Variants in MELK observed in about 807,000 individuals in gnomAD.
MELK encodes maternal embryonic leucine zipper kinase.
In MELK, 81 loss-of-function variants were observed where a neutral mutation model predicts 85.0. That is an observed-to-expected ratio of 0.95 (90% CI 0.80 to 1.15). The LOEUF (loss-of-function observed/expected upper bound fraction) is 1.15, where lower values mean the gene tolerates loss of function less well. Ranked by LOEUF, MELK falls within the 50% of genes most tolerant of loss-of-function variation. MELK has a pLI of 0.00. For missense variants in MELK, 754 were observed against 777.5 expected (o/e 0.97, Z 0.36); for synonymous variants, 252 against 265.0 (o/e 0.95, Z 0.48).
rs1832685297 is a variant in MELK, at chr9:36,669,371, CAAG to C, written c.1471_1473del (p.Lys491del). The C allele has an allele frequency of 3.7e-6, 6 of 1,607,462 alleles. No homozygotes were observed. Among genetic ancestry groups the C allele is most frequent in the Non-Finnish European group, 5.1e-6 (6 of 1,177,624 alleles). ...TACCAGTAAATTCAACAGGAACAGA[CAAG>C]TTAATGACAGGTGTCATTAGCCCTG... On this transcript the variant is annotated inframe_deletion, in exon 15 of 18. Transcript: ENST00000298048.
intron 16 of MELK, among the ~76,000 whole-genome samples, chr9:36,674,321 A>G (rs535178998): frequency 2.0e-5 from 3 of 152,228 alleles, no homozygotes; most frequent in African/African-American, 7.2e-5. Context: ...TTTTAAAGGA[A>G]TACCTGTTAC....
At chr9:36,615,793 T>G (rs1367627370) in intron 8 of MELK, among the ~76,000 whole-genome samples, 4 of 144,014 alleles carry the variant, frequency 2.8e-5, no homozygotes, top group Admixed American at 1.4e-4. Flanking sequence ...TTCCTAGATG[T>G]GATGGCGGCT....
chr9:36,624,665 T>G (rs1273023469), intron 8 of MELK, among the ~76,000 whole-genome samples: 1 of 152,204 alleles, frequency 6.6e-6, no homozygotes, highest in East Asian at 1.9e-4. Context: ...AAGAGGAATT[T>G]GGAATCAGTA....
In MELK at chr9:36,669,405, C is replaced by T. The variant is rs148905986; in HGVS notation, c.1504C>T (p.Arg502Trp). Residue 502 changes from arginine to tryptophan, a missense_variant and splice_region_variant, in exon 15 of 18, where the codon CGG becomes TGG. By Grantham distance (101) the Arg-to-Trp change is moderately radical (BLOSUM62 -3). Coordinates refer to ENST00000298048, the MANE Select transcript of MELK (RefSeq NM_014791.4). ...GACAGGTGTCATTAGCCCTGAGAGGCGGTAAGTGTTTGGTTTTTTTAGACT... is the reference window on the plus strand; with the variant it reads ...GACAGGTGTCATTAGCCCTGAGAGGTGGTAAGTGTTTGGTTTTTTTAGACT... ...LMTGVISPER[R>W]CRSVELDLNQ... The T allele has an allele frequency of 1.3e-5, 20 of 1,585,862 alleles. No homozygotes were observed. The Admixed American group carries it at 1.9e-4, about 15-fold the overall frequency.
chr9:36,636,802 T>TTCTTTCTGTCTGTCTGTCTGTCTGTCTG (rs1449037954), intron 10 of MELK, among the ~76,000 whole-genome samples: 1 of 75,256 alleles, frequency 1.3e-5, no homozygotes, highest in African/African-American at 4.1e-5. Context: ...CTTTCTTTCT[T>TTCTTTCTGTCTGTCTGTCTGTCTGTCTG]TCTGTCTTTC....
intron 12 of MELK, among the ~76,000 whole-genome samples, chr9:36,653,753 GT>G (rs545675619): frequency 4.0e-5 from 6 of 151,482 alleles, no homozygotes; most frequent in African/African-American, 1.5e-4. Context: ...TGAAAGTTTG[GT>G]TTTTTTCCCC....
intron 10 of MELK, among the ~76,000 whole-genome samples, chr9:36,635,169 A>C (rs890019057): frequency 1.3e-5 from 2 of 152,198 alleles, no homozygotes; most frequent in Admixed American, 6.5e-5. Context: ...TTCTTTTCGA[A>C]CTATGGGTAT....
At chr9:36,614,932 C>T (rs1469962873) in intron 8 of MELK, among the ~76,000 whole-genome samples, 7 of 148,244 alleles carry the variant, frequency 4.7e-5, no homozygotes, top group South Asian at 2.2e-4. Flanking sequence ...CATCCTGGCC[C>T]GTTCTCAATG....
chr9:36,661,043 T>C (rs959869727), intron 13 of MELK, among the ~76,000 whole-genome samples: 20 of 152,058 alleles, frequency 1.3e-4, no homozygotes, highest in African/African-American at 4.8e-4. Flanking sequence ...AGTAGGGTCT[T>C]CTAGGGAACT....
intron 8 of MELK, among the ~76,000 whole-genome samples, chr9:36,609,238 A>G (rs761376522): frequency 1.6e-4 from 25 of 152,152 alleles, no homozygotes; most frequent in Non-Finnish European, 2.9e-4. Context: ...ACTAAAATCT[A>G]CACTTTAAAA....
At chr9:36,657,170 C>T (rs745902777) in intron 12 of MELK, 71 bp from the exon 13 acceptor site, 26 of 1,484,880 alleles carry the variant, frequency 1.8e-5, no homozygotes, top group East Asian at 6.9e-5. Flanking sequence ...CGTTAAGTGA[C>T]GCGTGACTGT....
intron 10 of MELK, among the ~76,000 whole-genome samples, chr9:36,633,813 C>T (rs1186168829): frequency 6.6e-6 from 1 of 152,148 alleles, no homozygotes; most frequent in Non-Finnish European, 1.5e-5. Flanking sequence ...CTTCTGTGTT[C>T]AGTCTGTTTT....
At chr9:36,614,264 T>C (rs1458549488) in intron 8 of MELK, among the ~76,000 whole-genome samples, 1 of 151,704 alleles carries the variant, frequency 6.6e-6, no homozygotes, top group African/African-American at 2.4e-5. Context: ...CGTGGCTAAG[T>C]TTTGTAGTTT....
intron 16 of MELK, among the ~76,000 whole-genome samples, chr9:36,672,452 TA>T (rs1832970849): frequency 6.6e-6 from 1 of 152,234 alleles, no homozygotes; most frequent in Non-Finnish European, 1.5e-5. Context: ...GATAATGTTC[TA>T]AAAATGGTCA....
chr9:36,625,426 A>C (rs1263391563), intron 8 of MELK, among the ~76,000 whole-genome samples: 1 of 152,192 alleles, frequency 6.6e-6, no homozygotes, highest in Non-Finnish European at 1.5e-5. Context: ...AGTGGGGCCA[A>C]GTAGGTCAGG....
At chr9:36,587,787 T>G (rs1250211484) in intron 3 of MELK, among the ~76,000 whole-genome samples, 2 of 151,080 alleles carry the variant, frequency 1.3e-5, no homozygotes, top group Non-Finnish European at 3.0e-5. Flanking sequence ...TTTTTTTTAA[T>G]TTTTTCGATA....
chr9:36,633,227 T>A, intron 10 of MELK, 27 bp downstream of exon 10: 1 of 1,545,880 alleles, frequency 6.5e-7, no homozygotes, highest in East Asian at 2.3e-5. Context: ...CCAGTAGAAT[T>A]TTTTTTTGAC....
At chr9:36,620,124 T>G (rs914212726) in intron 8 of MELK, among the ~76,000 whole-genome samples, 2 of 152,180 alleles carry the variant, frequency 1.3e-5, no homozygotes, top group Non-Finnish European at 2.9e-5. Context: ...AGCTGGGATT[T>G]GAACCCTAGC....
chr9:36,667,900 TG>T (rs1587625362), intron 14 of MELK, among the ~76,000 whole-genome samples: 1 of 152,292 alleles, frequency 6.6e-6, no homozygotes, highest in East Asian at 1.9e-4. Flanking sequence ...CCTGAGTAGC[TG>T]GGATTACAGG....
Sources: gnomAD v4.1 joint callset for allele counts (sites outside exome capture counted in the v4.1 genomes callset) on GRCh38, gnomAD v4.1.1 for gene constraint, MANE v1.5 for transcripts, NCBI Gene and HGNC (gene_info 2026-07-23, HGNC 2026-07-21) for gene names.